The following FGF2 variants were observed in gnomAD, a reference collection of about 807,000 sequenced individuals.
The protein encoded by FGF2 is basic fibroblast growth factor bFGF.
A neutral mutation model predicts 15.9 loss-of-function variants in FGF2; 13 were observed. That is an observed-to-expected ratio of 0.82 (90% CI 0.53 to 1.30). The LOEUF is 1.30. Among genes scored for constraint, FGF2 ranks in the 50% most tolerant of loss-of-function variants. The pLI is 0.00. For missense variants in FGF2, 163 were observed against 196.9 expected, an observed-to-expected ratio of 0.83 and a Z score of 1.03; for synonymous variants, 90 against 78.4, an observed-to-expected ratio of 1.15 and a Z score of -0.78.
intron 1 of FGF2, among the ~76,000 whole-genome samples, chr4:122,873,807 T>A (rs73844949): frequency 0.02 from 2,980 of 151,724 alleles, 101 homozygotes; most frequent in African/African-American, 0.068. Context: ...TTTTTAAAAC[T>A]TGTAATTTAA....
intron 2 of FGF2, among the ~76,000 whole-genome samples, chr4:122,883,398 GA>G (rs1453312058): frequency 5.9e-5 from 9 of 152,150 alleles, no homozygotes; most frequent in African/African-American, 1.9e-4. Flanking sequence ...TGTGTTGTTT[GA>G]AAACATTTCT....
At chr4:122,844,060 T>C (rs932199790) in intron 1 of FGF2, among the ~76,000 whole-genome samples, 1 of 152,236 alleles carries the variant, frequency 6.6e-6, no homozygotes, top group South Asian at 2.1e-4. Flanking sequence ...AGATGCCATT[T>C]GATAGCATTT....
At chr4:122,875,067 C>G (rs1327816292) in intron 1 of FGF2, among the ~76,000 whole-genome samples, 2 of 152,070 alleles carry the variant, frequency 1.3e-5, no homozygotes, top group Admixed American at 1.3e-4. Flanking sequence ...TAAGATTTTC[C>G]TAAATTATTT....
chr4:122,876,421 T>C lies in FGF2; in HGVS notation c.279T>C (p.Ala93=). 2 of 1,593,506 alleles carry C rather than the reference T, an allele frequency of 1.3e-6. No individual in the cohort carries two copies. Among genetic ancestry groups the C allele is most frequent in the Non-Finnish European group, 1.7e-6 (2 of 1,161,256 alleles). ...LAMKEDGRLL[A]SKCVTDECFF... is the part of the protein sequence containing the mutation. ...TGAAGGAAGATGGAAGATTACTGGC[T>C]TCTGTAAGCATACTTTCTGTTTTCA... Residue 93 remains alanine (A), a synonymous_variant, in exon 2 of 3, where the codon GCT becomes GCC. Transcript: ENST00000644866.
At position 122,893,345 on chromosome 4, in the gene FGF2, A is replaced by G. The variant is rs1727248935; in HGVS notation, c.*949A>G. The G allele has an allele frequency of 1.4e-5, 13 of 920,442 alleles. No individual in the cohort carries two copies. Among genetic ancestry groups the G allele is most frequent in the Non-Finnish European group, 1.8e-5 (12 of 649,734 alleles). 57.0% of individuals were successfully genotyped at this position (920,442 alleles called of 1,614,324 possible). Reference sequence around the variant, plus strand: ...CTCAAAACATTACCCTAACAAAGTAAAGTTTTCAATACAAATTCTTTGCCT... The same window carrying G: ...CTCAAAACATTACCCTAACAAAGTAGAGTTTTCAATACAAATTCTTTGCCT... On this transcript the variant is annotated 3_prime_UTR_variant, in exon 3 of 3. Coordinates refer to ENST00000644866, the MANE Select transcript of FGF2 (RefSeq NM_001361665.2).
At chr4:122,845,760 T>C (rs563230402) in intron 1 of FGF2, among the ~76,000 whole-genome samples, 3 of 152,372 alleles carry the variant, frequency 2.0e-5, no homozygotes, top group African/African-American at 7.2e-5. Flanking sequence ...TGAGGGAATG[T>C]TGTGGCTGTT....
chr4:122,859,620 A>G (rs145613316), intron 1 of FGF2, among the ~76,000 whole-genome samples: 12 of 147,470 alleles, frequency 8.1e-5, no homozygotes, highest in African/African-American at 3.0e-4. Context: ...GCTATATACT[A>G]AAAGTTTATA....
intron 1 of FGF2, among the ~76,000 whole-genome samples, chr4:122,867,256 AT>A (rs1293964054): frequency 3.3e-5 from 5 of 152,266 alleles, no homozygotes. Context: ...ATTGAACTGT[AT>A]GCATGTTTTA....
chr4:122,881,201 G>A (rs974741396), intron 2 of FGF2, among the ~76,000 whole-genome samples: 1 of 152,122 alleles, frequency 6.6e-6, no homozygotes, highest in Non-Finnish European at 1.5e-5. Flanking sequence ...GCCTGTGATG[G>A]GAAGGACTGC....
At chr4:122,887,303 G>C (rs1357749264) in intron 2 of FGF2, among the ~76,000 whole-genome samples, 1 of 152,184 alleles carries the variant, frequency 6.6e-6, no homozygotes. Flanking sequence ...GACAGAGGGA[G>C]ACTCTGTCTC....
intron 1 of FGF2, among the ~76,000 whole-genome samples, chr4:122,837,378 A>G (rs562311976): frequency 6.6e-6 from 1 of 152,342 alleles, no homozygotes; most frequent in East Asian, 1.9e-4. Context: ...AAGAGATTAA[A>G]ACGGTCAAAT....
intron 1 of FGF2, among the ~76,000 whole-genome samples, chr4:122,849,990 G>T (rs112350385): frequency 4.5e-4 from 69 of 152,284 alleles, no homozygotes; most frequent in African/African-American, 1.6e-3. Flanking sequence ...GGCTGGGCGC[G>T]GTGGCTCACG....
intron 2 of FGF2, among the ~76,000 whole-genome samples, chr4:122,878,231 A>G (rs1198107437): frequency 6.6e-6 from 1 of 152,246 alleles, no homozygotes; most frequent in Non-Finnish European, 1.5e-5. Flanking sequence ...AAGTATTATG[A>G]TATAGGAAGC....
chr4:122,867,393 T>TATA (rs1726623670), intron 1 of FGF2, among the ~76,000 whole-genome samples: 2 of 152,246 alleles, frequency 1.3e-5, no homozygotes, highest in African/African-American at 4.8e-5. Context: ...TATTATGGTG[T>TATA]CTTTGGAAAA....
intron 2 of FGF2, among the ~76,000 whole-genome samples, chr4:122,881,656 C>T (rs2150786787): frequency 6.6e-6 from 1 of 152,298 alleles, no homozygotes; most frequent in East Asian, 1.9e-4. Flanking sequence ...GCATTTTGGT[C>T]AGAGGCATTC....
intron 1 of FGF2, among the ~76,000 whole-genome samples, chr4:122,829,588 A>G (rs1725717710): frequency 6.6e-6 from 1 of 152,198 alleles, no homozygotes; most frequent in South Asian, 2.1e-4. Context: ...TTTAGGGACC[A>G]GGTGGTAGTT....
At chr4:122,888,134 A>G (rs1162024929) in intron 2 of FGF2, among the ~76,000 whole-genome samples, 1 of 152,166 alleles carries the variant, frequency 6.6e-6, no homozygotes, top group Non-Finnish European at 1.5e-5. Context: ...TCCCCACCGC[A>G]TTTGATGGCA....
intron 2 of FGF2, 110 bp downstream of exon 2, chr4:122,876,534 C>T (rs1428069932): frequency 2.7e-6 from 2 of 746,530 alleles, no homozygotes; most frequent in East Asian, 5.3e-5. Context: ...GTATCATCGT[C>T]ATAGTCACCC....
In FGF2 at chr4:122,895,254, C is replaced by T. The variant is rs1727314168; in HGVS notation, c.*2858C>T. On this transcript the variant is annotated 3_prime_UTR_variant, in exon 3 of 3. Coordinates refer to ENST00000644866, the MANE Select transcript of FGF2 (RefSeq NM_001361665.2). ...TTATTTTAATATACTGTAAGCCAAA[C>T]TGAAATAACATTTGCTGTTTTATAG... The T allele has an allele frequency of 6.6e-6, 1 of 152,062 alleles. No homozygotes were observed. The highest frequency in any genetic ancestry group is 1.5e-5 in the Non-Finnish European group (1 of 68,020). 9.4% of individuals were successfully genotyped at this position (152,062 alleles called of 1,614,324 possible). A position where few individuals can be genotyped will look rare whatever the true frequency, so the allele number is the denominator to read the frequency against.
Sources: gnomAD v4.1 joint callset for allele counts (sites outside exome capture counted in the v4.1 genomes callset) on GRCh38, gnomAD v4.1.1 for gene constraint, MANE v1.5 for transcripts, NCBI Gene and HGNC (gene_info 2026-07-23, HGNC 2026-07-21) for gene names.